ADAM12: variants seen among roughly 807,000 people sequenced by gnomAD.
ADAM12 encodes ADAM metallopeptidase domain 12.
ADAM12 carries 70 observed loss-of-function variants against 106.4 expected under a neutral mutation model. The ratio of observed to expected loss-of-function variants is 0.66; its 90% CI spans 0.54 to 0.80. The LOEUF is 0.80. ADAM12 is among the 30% of genes least tolerant of loss of function. The probability of loss-of-function intolerance (pLI) is 0.00; values close to 1 mark genes in which losing one functional copy is unlikely to be tolerated. For missense variants in ADAM12, 1,010 were observed against 1,171.9 expected (o/e 0.86, Z 2.02); for synonymous variants, 420 against 433.5 (o/e 0.97, Z 0.39).
intron 11 of ADAM12, among the ~76,000 whole-genome samples, chr10:126,093,480 C>A (rs1049024306): frequency 2.0e-5 from 3 of 152,204 alleles, no homozygotes; most frequent in African/African-American, 7.2e-5. Context: ...AGAGACACTA[C>A]AAACCCCCAA....
At chr10:126,215,828 C>CA (rs1038830426) in intron 3 of ADAM12, among the ~76,000 whole-genome samples, 1 of 152,098 alleles carries the variant, frequency 6.6e-6, no homozygotes, top group African/African-American at 2.4e-5. Flanking sequence ...GTAAACAGCA[C>CA]AAAAAAATCA....
At chr10:126,102,383 G>A (rs989356300) in intron 8 of ADAM12, among the ~76,000 whole-genome samples, 7 of 152,212 alleles carry the variant, frequency 4.6e-5, no homozygotes, top group African/African-American at 1.7e-4. Context: ...AGCACCAGAT[G>A]AAAGCAGGTC....
chr10:126,387,152 A>T (rs1020030905), intron 1 of ADAM12, among the ~76,000 whole-genome samples: 12 of 152,324 alleles, frequency 7.9e-5, no homozygotes, highest in African/African-American at 2.9e-4. Flanking sequence ...GAAGTCGTTC[A>T]TCGGTGGACC....
At chr10:126,383,490 A>T (rs1856559326) in intron 1 of ADAM12, among the ~76,000 whole-genome samples, 1 of 152,180 alleles carries the variant, frequency 6.6e-6, no homozygotes, top group African/African-American at 2.4e-5. Flanking sequence ...CAACATGAAT[A>T]TTCAAACTGA....
intron 10 of ADAM12, 141 bp from the exon 11 acceptor site, chr10:126,094,274 A>G: frequency 1.2e-6 from 1 of 840,648 alleles, no homozygotes. Flanking sequence ...GTAAAACGCT[A>G]TCATTTAGTT....
chr10:126,039,547 A>ATCACT, intron 18 of ADAM12, 118 bp from the exon 19 acceptor site: 9 of 1,235,462 alleles, frequency 7.3e-6, no homozygotes, highest in South Asian at 1.4e-5. Context: ...AAGAGAGTAC[A>ATCACT]CCCGTGAGTG....
chr10:126,221,974 T>C (rs1349295222), intron 3 of ADAM12, among the ~76,000 whole-genome samples: 1 of 152,234 alleles, frequency 6.6e-6, no homozygotes, highest in Non-Finnish European at 1.5e-5. Flanking sequence ...AGAAGTCATC[T>C]TGTTCTAGAC....
intron 1 of ADAM12, among the ~76,000 whole-genome samples, chr10:126,375,185 A>G (rs113355305): frequency 6.3e-4 from 95 of 151,094 alleles, no homozygotes; most frequent in African/African-American, 1.3e-3. Flanking sequence ...GAGACCTTCA[A>G]TGAAGACTAC....
intron 14 of ADAM12, among the ~76,000 whole-genome samples, chr10:126,060,838 T>C (rs1954740257): frequency 6.6e-6 from 1 of 152,188 alleles, no homozygotes; most frequent in African/African-American, 2.4e-5. Flanking sequence ...TGTGTCACTC[T>C]GGCAGAGTCG....
intron 1 of ADAM12, among the ~76,000 whole-genome samples, chr10:126,356,284 A>T (rs1855536381): frequency 6.6e-6 from 1 of 152,180 alleles, no homozygotes; most frequent in African/African-American, 2.4e-5. Flanking sequence ...CAATCAGAGG[A>T]AATTGCAATG....
intron 3 of ADAM12, among the ~76,000 whole-genome samples, chr10:126,189,341 G>A (rs796579061): frequency 5.9e-5 from 9 of 152,302 alleles, no homozygotes; most frequent in East Asian, 1.9e-4. Flanking sequence ...TGGGGTATAC[G>A]GTGGGGAGTG....
At position 126,330,984 on chromosome 10, in the gene ADAM12, A is replaced by G. The variant is rs559041383; in HGVS notation, c.89-475T>C. On this transcript the variant is annotated intron_variant, in intron 1 of 22. Coordinates refer to ENST00000448723, the MANE Select transcript of ADAM12 (RefSeq NM_001288973.2). ...CTCTGCACTTATGGAGTCTAATTTT[A>G]TATGCTTTAGTAAGTGATTCTATAG... Among the ~76,000 whole-genome samples the G allele has an allele frequency of 5.3e-4, 81 of 152,328 alleles. 3 individuals are homozygous for G. The South Asian group carries it at 0.015, about 29-fold the overall frequency.
At chr10:126,183,077 G>T (rs139120973) in intron 3 of ADAM12, among the ~76,000 whole-genome samples, 1 of 152,176 alleles carries the variant, frequency 6.6e-6, no homozygotes, top group Non-Finnish European at 1.5e-5. Context: ...AATGTGAACT[G>T]TGCATGCGAG....
In ADAM12 at chr10:126,159,132, A is replaced by G. The variant is rs182911578; in HGVS notation, c.261-3827T>C. Among the ~76,000 whole-genome samples, 445 of 151,810 alleles carry G rather than the reference A, an allele frequency of 2.9e-3. 4 individuals carry two copies. Among genetic ancestry groups the G allele is most frequent in the African/African-American group, 9.7e-3 (403 of 41,378 alleles). ...AGACCATTCTGGCTAATACGGTGAAACCCCGTCTCTACTAAAAATACAAAA... is the reference window on the plus strand; with the variant it reads ...AGACCATTCTGGCTAATACGGTGAAGCCCCGTCTCTACTAAAAATACAAAA... On this transcript the variant is annotated intron_variant, in intron 3 of 22. Coordinates refer to ENST00000448723, the MANE Select transcript of ADAM12 (RefSeq NM_001288973.2).
intron 3 of ADAM12, among the ~76,000 whole-genome samples, chr10:126,256,277 G>A (rs556014715): frequency 2.0e-5 from 3 of 152,294 alleles, no homozygotes; most frequent in South Asian, 2.1e-4. Flanking sequence ...TGAATGCAGA[G>A]TCCTATGGCT....
chr10:126,384,003 T>C (rs971277607), intron 1 of ADAM12, among the ~76,000 whole-genome samples: 1 of 152,228 alleles, frequency 6.6e-6, no homozygotes, highest in African/African-American at 2.4e-5. Context: ...ATTTTCCTGA[T>C]GAAAATAGAT....
chr10:126,366,238 C>T lies in ADAM12; in HGVS notation c.88+21820G>A, dbSNP rs139920511. Among the ~76,000 whole-genome samples, 127 of 152,182 alleles carry T rather than the reference C, an allele frequency of 8.3e-4. 2 individuals carry two copies. In the East Asian group the frequency reaches 0.023, roughly 28 times the overall value. On this transcript the variant is annotated intron_variant, in intron 1 of 22. Transcript: ENST00000448723. Reference sequence around the variant, plus strand: ...AAAAGAGAATGGATTCCTATCCTCACCTTTTGTGTAAAAATGACAGATGAA... The same window carrying T: ...AAAAGAGAATGGATTCCTATCCTCATCTTTTGTGTAAAAATGACAGATGAA...
rs1953633495 is a variant in ADAM12 at position 126,014,832 on chromosome 10, T to TC, written c.*2446_*2447insG. On this transcript the variant is annotated 3_prime_UTR_variant, in exon 23 of 23. Coordinates refer to ENST00000448723, the MANE Select transcript of ADAM12 (RefSeq NM_001288973.2). ...CTATTATTCATGCCTATACAGTCTT[T>TC]TAAAAAAATACTAGATTGCCATTGA... 4 of 136,646 alleles carry TC rather than the reference T, an allele frequency of 2.9e-5. No individual in the cohort carries two copies. The highest frequency in any genetic ancestry group is 1.1e-4 in the African/African-American group (4 of 36,548). The allele number at this position is 136,646 out of a possible 1,614,324, so 8.5% of individuals were successfully genotyped here.
intron 3 of ADAM12, among the ~76,000 whole-genome samples, chr10:126,180,248 G>A (rs1278375): frequency 0.6 from 91,000 of 152,034 alleles, 29,944 homozygotes; most frequent in African/African-American, 0.89. Flanking sequence ...TAACCAGCCG[G>A]ATTAAGGTTT....
Sources: allele counts gnomAD v4.1 joint callset (sites outside exome capture counted in the v4.1 genomes callset), GRCh38; gene constraint gnomAD v4.1.1; transcripts MANE v1.5; gene names NCBI Gene and HGNC (gene_info 2026-07-23, HGNC 2026-07-21).